CSF2: variants seen among roughly 807,000 people sequenced by gnomAD.
The protein encoded by CSF2 is colony stimulating factor 2, also known as granulocyte-macrophage colony-stimulating factor.
In CSF2, 2 loss-of-function variants were observed where a neutral mutation model predicts 13.5. The ratio of observed to expected loss-of-function variants is 0.15; its 90% CI spans 0.06 to 0.47. The LOEUF (loss-of-function observed/expected upper bound fraction) is 0.47, where lower values mean the gene tolerates loss of function less well. Ranked by LOEUF, CSF2 falls within the 20% of genes least tolerant of loss-of-function variation. The pLI is 0.97. For missense variants in CSF2, 141 were observed against 179.7 expected (o/e 0.78, Z 1.23); for synonymous variants, 66 against 69.2 (o/e 0.95, Z 0.23).
At chr5:132,075,438 C>T (rs1204721905) in intron 3 of CSF2, among the ~76,000 whole-genome samples, 2 of 152,250 alleles carry the variant, frequency 1.3e-5, no homozygotes, top group Non-Finnish European at 2.9e-5. Context: ...CCAGAGACGA[C>T]CTCAGCCCAG....
intron 2 of CSF2, 73 bp downstream of exon 2, chr5:132,074,195 A>G: frequency 6.6e-7 from 1 of 1,517,840 alleles, no homozygotes; most frequent in South Asian, 1.1e-5. Context: ...TCCATTTTAG[A>G]TGGCACCACA....
intron 2 of CSF2, among the ~76,000 whole-genome samples, 165 bp downstream of exon 2, chr5:132,074,287 G>A (rs975081505): frequency 1.3e-5 from 2 of 152,188 alleles, no homozygotes; most frequent in African/African-American, 4.8e-5. Context: ...TGCTGGCCGT[G>A]CCCCTATGGC....
At position 132,074,792 on chromosome 5, in the gene CSF2, G is replaced by A. The variant is rs185490125; in HGVS notation, c.202-18G>A. 1.2e-4 allele frequency: 198 copies of A among 1,613,824 alleles called. No homozygotes were observed. In the African/African-American group the frequency reaches 2.2e-3, roughly 18 times the overall value. On this transcript the variant is annotated intron_variant, in intron 2 of 3. Coordinates refer to ENST00000296871, the MANE Select transcript of CSF2 (RefSeq NM_000758.4). ...GGGCACTTGGCCACTGCTCACCGAC[G>A]AACGACATTTTCCACAGGAGCCGAC...
chr5:132,074,729 C>T (rs1756679130), intron 2 of CSF2, 81 bp from the exon 3 acceptor site: 2 of 1,608,538 alleles, frequency 1.2e-6, no homozygotes, highest in Admixed American at 3.3e-5. Flanking sequence ...CTGGGGGCAG[C>T]AGCAAAAAGG....
chr5:132,074,672 T>TATGATTGGACCCAGCCTGTGCCC, intron 2 of CSF2, 138 bp from the exon 3 acceptor site: 3 of 1,382,436 alleles, frequency 2.2e-6, no homozygotes, highest in Non-Finnish European at 3.1e-6. Flanking sequence ...GGGCAGGGTC[T>TATGATTGGACCCAGCCTGTGCCC]ATGACTGGAC....
intron 3 of CSF2, among the ~76,000 whole-genome samples, chr5:132,075,513 CTGGCACTTA>C (rs1434795493): frequency 8.5e-5 from 13 of 152,230 alleles, no homozygotes; most frequent in Admixed American, 8.5e-4. Flanking sequence ...CAACCTCAGG[CTGGCACTTA>C]AGTCAGGCCC....
At chr5:132,074,060 T>C (rs1756669715) in intron 1 of CSF2, 21 bp from the exon 2 acceptor site, 6 of 1,613,914 alleles carry the variant, frequency 3.7e-6, no homozygotes, top group Non-Finnish European at 5.1e-6. Context: ...CTTGATAACA[T>C]GACATTTTCC....
At chr5:132,074,253 G>A (rs1259284244) in intron 2 of CSF2, 131 bp downstream of exon 2, 6 of 1,062,142 alleles carry the variant, frequency 5.6e-6, no homozygotes, top group Admixed American at 3.8e-5. Context: ...GGAGGAGGGG[G>A]TAGCAACTGG....
At chr5:132,075,362 C>T (rs1756690921) in intron 3 of CSF2, among the ~76,000 whole-genome samples, 1 of 152,238 alleles carries the variant, frequency 6.6e-6, no homozygotes, top group African/African-American at 2.4e-5. Flanking sequence ...GGACAAGGAC[C>T]TCAGGCACTC....
chr5:132,074,226 C>CCTG, intron 2 of CSF2, 104 bp downstream of exon 2: 1 of 1,341,126 alleles, frequency 7.5e-7, no homozygotes, highest in Non-Finnish European at 1.1e-6. Flanking sequence ...CACTTTCTCT[C>CCTG]CAGTCAGCTG....
At chr5:132,074,778 C>T (rs899959339) in intron 2 of CSF2, 32 bp from the exon 3 acceptor site, 2 of 1,613,780 alleles carry the variant, frequency 1.2e-6, no homozygotes, top group Non-Finnish European at 1.7e-6. Context: ...GGCACTTGGC[C>T]ACTGCTCACC....
At chr5:132,074,665 C>A (rs1580736833) in intron 2 of CSF2, 145 bp from the exon 3 acceptor site, 2 of 1,330,562 alleles carry the variant, frequency 1.5e-6, no homozygotes, top group African/African-American at 1.4e-5. Flanking sequence ...ATGGACAGGG[C>A]AGGGTCTATG....
Position 132,074,090 on chromosome 5 carries a change from G to T in CSF2, c.169G>T (p.Val57Leu). Residue 57 changes from valine (V) to leucine (L), a missense_variant, in exon 2 of 4, where the codon GTA becomes TTA. Physicochemically the swap from Val to Leu is conservative, Grantham distance 32. Coordinates refer to ENST00000296871, the MANE Select transcript of CSF2 (RefSeq NM_000758.4). ...RDTAAEMNET[V>L]EVISEMFDLQ... The stretch of plus-strand genomic sequence containing the variant: ...TTTTCCTTTTCTACAGAATGAAACA[G>T]TAGAAGTCATCTCAGAAATGTTTGA... 1 of 1,614,002 alleles carries T rather than the reference G, an allele frequency of 6.2e-7. No homozygotes were observed. Among genetic ancestry groups the T allele is most frequent in the South Asian group, 1.1e-5 (1 of 91,088 alleles).
rs772335398 is a variant in CSF2, at chr5:132,074,983, G to A, written c.327+48G>A. 8.1e-6 allele frequency: 13 copies of A among 1,611,952 alleles called. No homozygotes were observed. In the South Asian group the frequency reaches 1.3e-4, roughly 16 times the overall value. Reference sequence around the variant, plus strand: ...CCAGCAGGAATGTCTTAATCTAGGGGGTGGGGTCGACATGGGGAGAGATCT... The same window carrying A: ...CCAGCAGGAATGTCTTAATCTAGGGAGTGGGGTCGACATGGGGAGAGATCT... On this transcript the variant is annotated intron_variant, in intron 3 of 3. Transcript: ENST00000296871.
intron 3 of CSF2, 58 bp downstream of exon 3, chr5:132,074,993 A>T (rs1303741928): frequency 6.2e-7 from 1 of 1,610,926 alleles, no homozygotes; most frequent in Non-Finnish European, 8.5e-7. Flanking sequence ...GGTGGGGTCG[A>T]CATGGGGAGA....
chr5:132,075,682 T>G, intron 3 of CSF2, 63 bp from the exon 4 acceptor site: 1 of 1,262,484 alleles, frequency 7.9e-7, no homozygotes, highest in Non-Finnish European at 1.1e-6. Flanking sequence ...ATGCTGGTGC[T>G]TCCTTCCCCC....
Position 132,075,963 on chromosome 5 carries a change from TGGGA to T in CSF2, c.*113_*116del. On this transcript the variant is annotated 3_prime_UTR_variant, in exon 4 of 4. Coordinates refer to ENST00000296871, the MANE Select transcript of CSF2 (RefSeq NM_000758.4). ...ACCAAGGGGTGGGCCACAGCCATGG[TGGGA>T]GTGGCCTGGACCTGCCCTGGGCCAC... The T allele has an allele frequency of 4.5e-6, 4 of 892,838 alleles. No homozygotes were observed. The highest frequency in any genetic ancestry group is 7.4e-6 in the Non-Finnish European group (4 of 541,264). 55.3% of individuals were successfully genotyped at this position (892,838 alleles called of 1,614,324 possible).
rs1019298066 is a variant in CSF2 at position 132,075,912 on chromosome 5, A to G, written c.*60A>G. On this transcript the variant is annotated 3_prime_UTR_variant, in exon 4 of 4. Coordinates refer to ENST00000296871, the MANE Select transcript of CSF2 (RefSeq NM_000758.4). ...TGCTCTCTCATGAAACAAGAGCTAGAAACTCAGGATGGTCATCTTGGAGGG... is the reference window on the plus strand; with the variant it reads ...TGCTCTCTCATGAAACAAGAGCTAGGAACTCAGGATGGTCATCTTGGAGGG... The G allele has an allele frequency of 7.4e-7, 1 of 1,356,428 alleles. No individual in the cohort carries two copies. The highest frequency in any genetic ancestry group is 1.0e-6 in the Non-Finnish European group (1 of 957,690). 84.0% of individuals were successfully genotyped at this position (1,356,428 alleles called of 1,614,324 possible). A position where few individuals can be genotyped will look rare whatever the true frequency, so the allele number is the denominator to read the frequency against.
intron 1 of CSF2, 49 bp downstream of exon 1, chr5:132,074,031 G>T: frequency 6.2e-7 from 1 of 1,613,762 alleles, no homozygotes; most frequent in South Asian, 1.1e-5. Flanking sequence ...GCTGGCCCCT[G>T]ACTGGCCACG....
Sources: gnomAD v4.1 joint callset for allele counts (sites outside exome capture counted in the v4.1 genomes callset) on GRCh38, gnomAD v4.1.1 for gene constraint, MANE v1.5 for transcripts, NCBI Gene and HGNC (gene_info 2026-07-23, HGNC 2026-07-21) for gene names.